The following LAMC1 variants were observed in gnomAD, a reference collection of about 807,000 sequenced individuals.
The protein encoded by LAMC1 is laminin subunit gamma-1.
Under a neutral mutation model 173.6 loss-of-function variants are expected in LAMC1, and 38 were observed. That is an observed-to-expected ratio of 0.22 (90% confidence interval 0.17 to 0.29). The LOEUF (loss-of-function observed/expected upper bound fraction) is 0.29. LAMC1 is among the 10% of genes least tolerant of loss of function. LAMC1 has a pLI of 1.00. For missense variants in LAMC1, 1,824 were observed against 2,051.8 expected (o/e 0.89, Z 2.14); for synonymous variants, 746 against 749.1 (o/e 1.00, Z 0.07).
chr1:183,078,263 G>A (rs1655170986), intron 1 of LAMC1, among the ~76,000 whole-genome samples: 1 of 152,124 alleles, frequency 6.6e-6, no homozygotes, highest in African/African-American at 2.4e-5. Flanking sequence ...CCAAAATCTT[G>A]AGCCAAGGGA....
At chr1:183,099,149 C>T (rs939870384) in intron 1 of LAMC1, among the ~76,000 whole-genome samples, 5 of 151,864 alleles carry the variant, frequency 3.3e-5, no homozygotes, top group East Asian at 3.9e-4. Context: ...AGTGCAATGT[C>T]GCGATCTCGG....
chr1:183,080,322 T>C (rs1259367107), intron 1 of LAMC1, among the ~76,000 whole-genome samples: 1 of 152,264 alleles, frequency 6.6e-6, no homozygotes, highest in Non-Finnish European at 1.5e-5. Context: ...TCACAGTTTC[T>C]AGGCTGTGTC....
intron 1 of LAMC1, among the ~76,000 whole-genome samples, chr1:183,043,288 A>G (rs10911206): frequency 0.5 from 76,236 of 151,942 alleles, 19,771 homozygotes; most frequent in South Asian, 0.64. Flanking sequence ...TACGAAACAG[A>G]CTGATGAAAG....
intron 1 of LAMC1, among the ~76,000 whole-genome samples, chr1:183,069,079 A>G (rs759478179): frequency 3.3e-5 from 5 of 152,202 alleles, no homozygotes; most frequent in East Asian, 1.9e-4. Flanking sequence ...TTAAAATTCA[A>G]TATGTAACTT....
At chr1:183,085,687 C>T (rs973950395) in intron 1 of LAMC1, among the ~76,000 whole-genome samples, 19 of 151,898 alleles carry the variant, frequency 1.3e-4, no homozygotes, top group Admixed American at 9.8e-4. Context: ...TTTCAAGGGG[C>T]GGGGAGAATG....
At chr1:183,104,198 C>G (rs907610854) in intron 2 of LAMC1, among the ~76,000 whole-genome samples, 1 of 152,184 alleles carries the variant, frequency 6.6e-6, no homozygotes, top group African/African-American at 2.4e-5. Flanking sequence ...ATGTTAGTAA[C>G]AGGATATGGA....
intron 1 of LAMC1, among the ~76,000 whole-genome samples, chr1:183,075,228 A>G (rs1161207073): frequency 6.6e-6 from 1 of 150,706 alleles, no homozygotes; most frequent in Non-Finnish European, 1.5e-5. Context: ...CCAGGCTCAC[A>G]TGATTCTCCC....
At chr1:183,089,365 T>A (rs1266980778) in intron 1 of LAMC1, among the ~76,000 whole-genome samples, 1 of 152,232 alleles carries the variant, frequency 6.6e-6, no homozygotes, top group East Asian at 1.9e-4. Context: ...GGCCCATGTT[T>A]TTGAAGTACT....
At chr1:183,119,839 G>A (rs1656420858) in intron 11 of LAMC1, among the ~76,000 whole-genome samples, 1 of 152,138 alleles carries the variant, frequency 6.6e-6, no homozygotes, top group African/African-American at 2.4e-5. Flanking sequence ...TTTTGGATTG[G>A]TGATTCCTTA....
At chr1:183,049,274 C>CT in intron 1 of LAMC1, among the ~76,000 whole-genome samples, 1 of 152,116 alleles carries the variant, frequency 6.6e-6, no homozygotes, top group Non-Finnish European at 1.5e-5. Context: ...AATGGAAAGA[C>CT]TTTAATACTG....
chr1:183,117,386 G>A lies in LAMC1; in HGVS notation c.1631G>A (p.Arg544Lys), dbSNP rs773228263. Residue 544 changes from arginine to lysine, a missense_variant, in exon 9 of 28, where the codon AGG (arginine) becomes AAG (lysine). Transcript: ENST00000258341. ...GCATCTCTCGAGTGGTCCTCTGAGA[G>A]GCAAGATATCGCCGTGATCTCAGAC... ...SEASLEWSSE[R>K]QDIAVISDSY... 1.9e-6 allele frequency: 3 copies of A among 1,613,882 alleles called. No homozygotes were observed. Among genetic ancestry groups the A allele is most frequent in the Non-Finnish European group, 2.5e-6 (3 of 1,179,762 alleles).
chr1:183,136,686 G>A, intron 25 of LAMC1, 101 bp downstream of exon 25: 1 of 961,530 alleles, frequency 1.0e-6, no homozygotes, highest in Admixed American at 2.8e-5. Context: ...TTTTTTTCCT[G>A]AACTTCAGTA....
chr1:183,125,346 A>G, intron 14 of LAMC1, 51 bp from the exon 15 acceptor site: 1 of 1,590,628 alleles, frequency 6.3e-7, no homozygotes. Flanking sequence ...ATATTTTAGT[A>G]TTTCTCTCAG....
intron 1 of LAMC1, among the ~76,000 whole-genome samples, chr1:183,026,408 C>T (rs1486101217): frequency 6.6e-6 from 1 of 151,158 alleles, no homozygotes. Flanking sequence ...TTCTGTCCTC[C>T]CCCCCCCTTT....
At chr1:183,139,766 C>G (rs1657054173) in intron 26 of LAMC1, among the ~76,000 whole-genome samples, 1 of 152,138 alleles carries the variant, frequency 6.6e-6, no homozygotes, top group Non-Finnish European at 1.5e-5. Flanking sequence ...GACTCATGCA[C>G]AGTTATTTGT....
chr1:183,035,378 G>T (rs896734478), intron 1 of LAMC1, among the ~76,000 whole-genome samples: 13 of 152,028 alleles, frequency 8.6e-5, no homozygotes, highest in East Asian at 1.9e-4. Flanking sequence ...GTAGAGATGG[G>T]GTCTCTCTGT....
Position 183,110,543 on chromosome 1 carries a change from G to A in LAMC1, c.910G>A (p.Val304Met), listed in dbSNP as rs200974499. The change falls in exon 4 of 28, where the codon GTG becomes ATG. Residue 304 changes from valine to methionine, a missense_variant. Val to Met is a conservative substitution (Grantham distance 21, BLOSUM62 1). Coordinates refer to ENST00000258341, the MANE Select transcript of LAMC1 (RefSeq NM_002293.4). Reference protein sequence around the residue: ...ECMKNEFDKLVCNCKHNTYGV... With the variant: ...ECMKNEFDKLMCNCKHNTYGV... The stretch of plus-strand genomic sequence containing the variant: ...TATGAAGAACGAATTTGATAAGCTG[G>A]TGTGTAATTGCAAACATAACACATA... 1.0e-4 allele frequency: 165 copies of A among 1,613,556 alleles called. No individual in the cohort carries two copies. Among genetic ancestry groups the A allele is most frequent in the Non-Finnish European group, 1.3e-4 (157 of 1,179,652 alleles).
At position 183,127,299 on chromosome 1, in the gene LAMC1, C is replaced by G. The variant is rs61749261; in HGVS notation, c.3018C>G (p.Gly1006=). The change falls in exon 17 of 28, where the codon GGC becomes GGG. Residue 1006 remains glycine, a synonymous_variant. Transcript: ENST00000258341. ...ATGGTCGCTGTGAATGCAGAGAAGG[C>G]TTTGTGGGAAATCGCTGTGACCAGT... ...KDDGRCECRE[G]FVGNRCDQCE... is the part of the protein sequence containing the mutation. 4.6e-3 allele frequency: 7,380 copies of G among 1,614,208 alleles called. 30 individuals are homozygous for G. The highest frequency in any genetic ancestry group is 5.8e-3 in the Non-Finnish European group (6,822 of 1,180,032).
chr1:183,038,770 A>C (rs1654049077), intron 1 of LAMC1, among the ~76,000 whole-genome samples: 1 of 152,216 alleles, frequency 6.6e-6, no homozygotes, highest in Non-Finnish European at 1.5e-5. Context: ...AACTGTAAGG[A>C]ATAAATAATT....
Sources: allele counts gnomAD v4.1 joint callset (sites outside exome capture counted in the v4.1 genomes callset), GRCh38; gene constraint gnomAD v4.1.1; transcripts MANE v1.5; gene names NCBI Gene and HGNC (gene_info 2026-07-23, HGNC 2026-07-21).